DAGLA: variants seen among roughly 807,000 people sequenced by gnomAD.
DAGLA encodes the protein diacylglycerol lipase alpha, also known as diacylglycerol lipase-alpha.
Under a neutral mutation model 102.6 loss-of-function variants are expected in DAGLA, and 22 were observed. That is an observed-to-expected ratio of 0.21 (90% CI 0.15 to 0.31). The LOEUF (loss-of-function observed/expected upper bound fraction) is 0.31, where lower values mean the gene tolerates loss of function less well. Among genes scored for constraint, DAGLA ranks in the 10% least tolerant of loss-of-function variants. DAGLA has a pLI of 1.00. For missense variants in DAGLA, 927 were observed against 1,446.6 expected (o/e 0.64, Z 5.83); for synonymous variants, 578 against 628.9 (o/e 0.92, Z 1.21).
At chr11:61,737,589 G>A in intron 14 of DAGLA, 98 bp from the exon 15 acceptor site, 1 of 1,234,010 alleles carries the variant, frequency 8.1e-7, no homozygotes, top group Non-Finnish European at 1.2e-6. Flanking sequence ...CATCCCAGGA[G>A]TGCAGGAGCA....
intron 1 of DAGLA, among the ~76,000 whole-genome samples, chr11:61,716,743 G>A (rs1591038814): frequency 6.6e-6 from 1 of 152,170 alleles, no homozygotes; most frequent in Non-Finnish European, 1.5e-5. Flanking sequence ...TAAAGTAGGG[G>A]GCAGCATATG....
intron 4 of DAGLA, 78 bp from the exon 5 acceptor site, chr11:61,723,356 T>C: frequency 3.9e-6 from 6 of 1,558,292 alleles, no homozygotes; most frequent in Non-Finnish European, 5.3e-6. Context: ...GAGGCTCCAA[T>C]GTCCCTTTCT....
At chr11:61,705,194 G>C (rs1002512678) in intron 1 of DAGLA, among the ~76,000 whole-genome samples, 1 of 152,214 alleles carries the variant, frequency 6.6e-6, no homozygotes, top group Non-Finnish European at 1.5e-5. Flanking sequence ...AATTGCACGG[G>C]CCAGACAGCT....
intron 1 of DAGLA, among the ~76,000 whole-genome samples, chr11:61,700,097 G>A (rs1355828253): frequency 2.0e-5 from 3 of 152,228 alleles, no homozygotes; most frequent in African/African-American, 7.2e-5. Flanking sequence ...GGCCTGGCAT[G>A]CCTGGCGTGC....
At chr11:61,726,299 C>T (rs1254169664) in intron 6 of DAGLA, among the ~76,000 whole-genome samples, 1 of 152,218 alleles carries the variant, frequency 6.6e-6, no homozygotes, top group African/African-American at 2.4e-5. Flanking sequence ...GTCAAGGGAA[C>T]AGAAAGCTGT....
intron 1 of DAGLA, among the ~76,000 whole-genome samples, chr11:61,702,222 T>TTC (rs771001937): frequency 2.6e-5 from 4 of 151,812 alleles, no homozygotes; most frequent in African/African-American, 7.3e-5. Flanking sequence ...CTCTCTCTCT[T>TTC]TCTCTCTCTC....
At position 61,739,803 on chromosome 11, in the gene DAGLA, G is replaced by A. The variant is rs1431021442; in HGVS notation, c.1853+142G>A. ...GATGGCCCAGGGCCTCCATGGAGGG[G>A]TTTCCCCAGCATCGGGCTCTGGAAA... On this transcript the variant is annotated intron_variant, in intron 17 of 19. Transcript: ENST00000257215. 13 of 834,340 alleles carry A rather than the reference G, an allele frequency of 1.6e-5. No homozygotes were observed. The East Asian group carries it at 2.7e-4, about 17-fold the overall frequency. 51.7% of individuals were successfully genotyped at this position (834,340 alleles called of 1,614,324 possible).
intron 1 of DAGLA, among the ~76,000 whole-genome samples, chr11:61,690,577 C>T (rs2065015728): frequency 6.6e-6 from 1 of 152,146 alleles, no homozygotes; most frequent in Admixed American, 6.5e-5. Flanking sequence ...TCAGGACAGT[C>T]CCATGGCACC....
At chr11:61,719,852 GTAGAAGCCGATCCC>G (rs1364181914) in intron 1 of DAGLA, among the ~76,000 whole-genome samples, 1 of 152,110 alleles carries the variant, frequency 6.6e-6, no homozygotes, top group Non-Finnish European at 1.5e-5. Flanking sequence ...GTAACCCCAG[GTAGAAGCCGATCCC>G]TAGTGGCCAG....
At chr11:61,698,552 A>G (rs915641800) in intron 1 of DAGLA, among the ~76,000 whole-genome samples, 1 of 152,162 alleles carries the variant, frequency 6.6e-6, no homozygotes, top group Non-Finnish European at 1.5e-5. Flanking sequence ...GACAGTTTCC[A>G]AAGGAAAGGA....
rs957032320 is a variant in DAGLA, at chr11:61,686,671, G to C, written c.-45+6167G>C. Reference sequence around the variant, plus strand: ...AGCCTGCGGCTCTGGGGTGGAGGTCGGGACGGTGGCCCTCCGCTGTGTAAG... The same window carrying C: ...AGCCTGCGGCTCTGGGGTGGAGGTCCGGACGGTGGCCCTCCGCTGTGTAAG... On this transcript the variant is annotated intron_variant, in intron 1 of 19. Coordinates refer to ENST00000257215, the MANE Select transcript of DAGLA (RefSeq NM_006133.3). This position sits in a 1 kb window ranked among gnomAD's most constrained non-coding sequence, Gnocchi z 5.2. 6.6e-6 allele frequency among the ~76,000 whole-genome samples: 1 copy of C among 152,174 alleles called. No individual in the cohort carries two copies. Among genetic ancestry groups the C allele is most frequent in the Admixed American group, 6.5e-5 (1 of 15,284 alleles).
In DAGLA at chr11:61,735,013, G is replaced by T. The variant is rs777580187; in HGVS notation, c.1128+11G>T. On this transcript the variant is annotated intron_variant, in intron 10 of 19. Transcript: ENST00000257215. Reference sequence around the variant, plus strand: ...TCCTGCCATGATGCGGTGAGGCCGGGCAGGGCTGGGGCCTGGTGTCAGGAG... The same window carrying T: ...TCCTGCCATGATGCGGTGAGGCCGGTCAGGGCTGGGGCCTGGTGTCAGGAG... The T allele has an allele frequency of 1.2e-6, 2 of 1,611,524 alleles. No homozygotes were observed. The highest frequency in any genetic ancestry group is 1.3e-5 in the African/African-American group (1 of 74,900).
In DAGLA at chr11:61,736,356, G is replaced by C. The variant is rs2065422915; in HGVS notation, c.1371+6G>C. ...AGGCCTTTGGGCGAGACCTGGTGAG[G>C]AATTTTCCATGGCACCAAGCCTTTT... On this transcript the variant is annotated splice_donor_region_variant and intron_variant, in intron 13 of 19. Transcript: ENST00000257215. The C allele has an allele frequency of 1.9e-6, 3 of 1,613,436 alleles. No homozygotes were observed. The highest frequency in any genetic ancestry group is 2.5e-6 in the Non-Finnish European group (3 of 1,179,382).
intron 6 of DAGLA, among the ~76,000 whole-genome samples, chr11:61,726,586 G>A (rs991180174): frequency 6.6e-6 from 1 of 152,200 alleles, no homozygotes; most frequent in East Asian, 1.9e-4. Context: ...CCAAGGGGAG[G>A]GAAGGGAGGC....
intron 3 of DAGLA, among the ~76,000 whole-genome samples, chr11:61,722,530 G>A (rs1177015532): frequency 6.6e-6 from 1 of 152,226 alleles, no homozygotes; most frequent in East Asian, 1.9e-4. Flanking sequence ...AGGTTGCAGT[G>A]AGTCAAGATC....
At position 61,735,546 on chromosome 11, in the gene DAGLA, C is replaced by G; in HGVS notation, c.1129-15C>G. 1 of 1,613,148 alleles carries G rather than the reference C, an allele frequency of 6.2e-7. No homozygotes were observed. Among genetic ancestry groups the G allele is most frequent in the Non-Finnish European group, 8.5e-7 (1 of 1,179,424 alleles). ...CACCAGGGCCGCTCAGGCTCACGAG[C>G]TGCCCGCCTCCTAGGTCTATGAAAC... On this transcript the variant is annotated splice_polypyrimidine_tract_variant and intron_variant, in intron 10 of 19. Transcript: ENST00000257215.
At chr11:61,723,301 G>A in intron 4 of DAGLA, 133 bp from the exon 5 acceptor site, 2 of 1,282,344 alleles carry the variant, frequency 1.6e-6, no homozygotes, top group South Asian at 2.8e-5. Flanking sequence ...TGGGACCAGG[G>A]GCTTTGGAGC....
chr11:61,744,884 C>A lies in DAGLA; in HGVS notation c.*395C>A. 4.9e-6 allele frequency: 1 copy of A among 202,412 alleles called. No individual in the cohort carries two copies. 12.5% of individuals were successfully genotyped at this position (202,412 alleles called of 1,614,324 possible). ...CCCAGGGGCCAGGTGGAGAGCAGTG[C>A]CCCCCGACACATGTATTCTCATCTG... On this transcript the variant is annotated 3_prime_UTR_variant, in exon 20 of 20. Transcript: ENST00000257215.
chr11:61,709,501 G>A (rs1254643669), intron 1 of DAGLA, among the ~76,000 whole-genome samples: 1 of 152,196 alleles, frequency 6.6e-6, no homozygotes, highest in African/African-American at 2.4e-5. Flanking sequence ...AGCTGCTGTG[G>A]TTGACATTGC....
Sources: allele counts gnomAD v4.1 joint callset (sites outside exome capture counted in the v4.1 genomes callset), GRCh38; gene constraint gnomAD v4.1.1; non-coding constraint Gnocchi (gnomAD v3.1); transcripts MANE v1.5; gene names NCBI Gene and HGNC (gene_info 2026-07-23, HGNC 2026-07-21).